Variants in FAT3 observed in about 807,000 individuals in gnomAD.
FAT3 encodes FAT atypical cadherin 3.
Under a neutral mutation model 310.2 loss-of-function variants are expected in FAT3, and 95 were observed. The observed-to-expected ratio is 0.31, with a 90% CI of 0.26 to 0.36. FAT3 has a LOEUF of 0.36. Ranked by LOEUF, FAT3 falls within the 10% of genes least tolerant of loss-of-function variation. The pLI, the probability that FAT3 is intolerant of heterozygous loss-of-function variation, is 1.00. For missense variants in FAT3, 5,408 were observed against 5,715.6 expected (o/e 0.95, Z 1.74); for synonymous variants, 2,314 against 2,192.9 (o/e 1.06, Z -1.54).
chr11:92,529,528 TG>T (rs1401305066), intron 3 of FAT3, among the ~76,000 whole-genome samples: 2 of 152,196 alleles, frequency 1.3e-5, no homozygotes, highest in African/African-American at 2.4e-5. Context: ...TAAAGGGCCT[TG>T]TTTTTTTTGT....
At chr11:92,415,110 G>T (rs1369916109) in intron 2 of FAT3, among the ~76,000 whole-genome samples, 3 of 152,174 alleles carry the variant, frequency 2.0e-5, no homozygotes, top group African/African-American at 7.2e-5. Flanking sequence ...CTTCTGAATT[G>T]AAAAATACCA....
chr11:92,639,781 A>G (rs1591551152), intron 3 of FAT3, among the ~76,000 whole-genome samples: 1 of 152,284 alleles, frequency 6.6e-6, no homozygotes, highest in East Asian at 1.9e-4. Flanking sequence ...TTTGAGAATC[A>G]CCACTTAGCA....
intron 4 of FAT3, among the ~76,000 whole-genome samples, chr11:92,721,833 G>A (rs1465770586): frequency 6.6e-6 from 1 of 152,184 alleles, no homozygotes; most frequent in African/African-American, 2.4e-5. Flanking sequence ...GACAAGAGAA[G>A]TGAGCTTGTG....
At chr11:92,624,724 T>C (rs1350466946) in intron 3 of FAT3, among the ~76,000 whole-genome samples, 1 of 152,168 alleles carries the variant, frequency 6.6e-6, no homozygotes. Flanking sequence ...TGGGGGTGTT[T>C]TAGTTTGCTG....
chr11:92,799,582 T>C lies in FAT3; in HGVS notation c.6569T>C (p.Phe2190Ser). Residue 2190 changes from phenylalanine (F) to serine (S), a missense_variant, in exon 10 of 28, where the codon TTT (phenylalanine) becomes TCT (serine). By Grantham distance (155) the Phe-to-Ser change is radical (BLOSUM62 -2). Around this residue, in one of 5 missense-constraint regions of FAT3, gnomAD observed 4,588 missense variants for 4,809.8 expected, o/e 0.95. Transcript: ENST00000525166. ...GCAATGCCTGTGTTTGATAAGCCCT[T>C]TTATACAGCATCTGTCAATGAAGAC... ...NKAMPVFDKP[F>S]YTASVNEDIR... 6.2e-7 allele frequency: 1 copy of C among 1,613,798 alleles called. No homozygotes were observed. The highest frequency in any genetic ancestry group is 8.5e-7 in the Non-Finnish European group (1 of 1,179,836).
rs556881625 is a variant in FAT3 at position 92,721,860 on chromosome 11, T to C, written c.3669+24415T>C. On this transcript the variant is annotated intron_variant, in intron 4 of 27. Coordinates refer to ENST00000525166, the MANE Select transcript of FAT3 (RefSeq NM_001367949.2). ...GAGCTTGTGCAGGGAAACTCCTCTT[T>C]TTAAAACAATCAGATCCCATGAAAC... is the stretch of plus-strand genomic sequence containing the variant. Among the ~76,000 whole-genome samples the C allele has an allele frequency of 1.6e-4, 24 of 152,188 alleles. 1 individual carries two copies. The highest frequency in any genetic ancestry group is 3.1e-4 in the Non-Finnish European group (21 of 67,980).
intron 1 of FAT3, among the ~76,000 whole-genome samples, chr11:92,296,090 C>T (rs1039134405): frequency 6.6e-6 from 1 of 152,074 alleles, no homozygotes; most frequent in African/African-American, 2.4e-5. Flanking sequence ...TGGGCAAACT[C>T]AAGGTATACA....
At chr11:92,423,717 C>A (rs909246683) in intron 2 of FAT3, among the ~76,000 whole-genome samples, 2 of 152,114 alleles carry the variant, frequency 1.3e-5, no homozygotes, top group African/African-American at 2.4e-5. Flanking sequence ...AAAGAATTGG[C>A]TCACATGATT....
chr11:92,716,054 G>A (rs936530136), intron 4 of FAT3, among the ~76,000 whole-genome samples: 16 of 152,202 alleles, frequency 1.1e-4, no homozygotes, highest in Non-Finnish European at 2.4e-4. Context: ...CAGTTTATCT[G>A]GGAAAAGAGG....
intron 10 of FAT3, among the ~76,000 whole-genome samples, chr11:92,802,739 A>G (rs1947396141): frequency 6.6e-6 from 1 of 152,218 alleles, no homozygotes; most frequent in Non-Finnish European, 1.5e-5. Context: ...AAGTGCCAAA[A>G]GATTGTAAAG....
intron 3 of FAT3, among the ~76,000 whole-genome samples, chr11:92,566,128 T>G (rs2135486686): frequency 6.6e-6 from 1 of 152,300 alleles, no homozygotes; most frequent in Non-Finnish European, 1.5e-5. Context: ...ATTGTGTATC[T>G]AGAAAACCCC....
At position 92,730,961 on chromosome 11, in the gene FAT3, C is replaced by G. The variant is rs142737189; in HGVS notation, c.3670-30895C>G. 3.2e-4 allele frequency among the ~76,000 whole-genome samples: 48 copies of G among 152,184 alleles called. No individual in the cohort carries two copies. The East Asian group carries it at 9.1e-3, about 29-fold the overall frequency. ...AGCAGGTTCTTTCCATGATAGCTGA[C>G]CCTTCATTATGAAATCGGGGGCTAA... On this transcript the variant is annotated intron_variant, in intron 4 of 27. Transcript: ENST00000525166.
intron 3 of FAT3, among the ~76,000 whole-genome samples, chr11:92,534,413 A>G (rs1415596191): frequency 1.3e-5 from 2 of 152,206 alleles, no homozygotes; most frequent in African/African-American, 4.8e-5. Flanking sequence ...TGAATTTGAA[A>G]AACATGAGCA....
At chr11:92,347,029 T>C (rs1449613999) in intron 1 of FAT3, among the ~76,000 whole-genome samples, 2 of 152,232 alleles carry the variant, frequency 1.3e-5, no homozygotes, top group African/African-American at 4.8e-5. Context: ...TTCCATTTAT[T>C]AACTCAAATC....
At chr11:92,284,827 G>T (rs1946518751) in intron 1 of FAT3, among the ~76,000 whole-genome samples, 2 of 152,200 alleles carry the variant, frequency 1.3e-5, no homozygotes, top group South Asian at 4.1e-4. Context: ...TTGTTTCCCA[G>T]AGCCAAGTAC....
intron 3 of FAT3, among the ~76,000 whole-genome samples, chr11:92,580,683 G>A (rs138927277): frequency 0.011 from 1,645 of 152,080 alleles, 17 homozygotes; most frequent in Non-Finnish European, 0.016. Flanking sequence ...AGTTGGCATC[G>A]CCTCCTGCCT....
chr11:92,329,286 C>T (rs1947845603), intron 1 of FAT3, among the ~76,000 whole-genome samples: 1 of 151,952 alleles, frequency 6.6e-6, no homozygotes, highest in Non-Finnish European at 1.5e-5. Flanking sequence ...GATTAATGCC[C>T]TCCCTCCGAG....
chr11:92,637,673 ACTGTGTG>A (rs1941816549), intron 3 of FAT3, among the ~76,000 whole-genome samples: 2 of 152,182 alleles, frequency 1.3e-5, no homozygotes, highest in Non-Finnish European at 2.9e-5. Flanking sequence ...TAACTTCATG[ACTGTGTG>A]CCTCTGTGTG....
Position 92,792,806 on chromosome 11 carries a change from C to A in FAT3, c.4651C>A (p.Arg1551=). The A allele has an allele frequency of 1.2e-6, 2 of 1,613,738 alleles. No homozygotes were observed. The highest frequency in any genetic ancestry group is 1.7e-6 in the Non-Finnish European group (2 of 1,179,754). The stretch of plus-strand genomic sequence containing the variant: ...GTTTCCTTATCGAAGAAACTTGGCC[C>A]GAGTCATTGTGAATGTGGAGGATGC... ...QEFPYRRNLA[R]VIVNVEDAND... The change falls in exon 9 of 28, where the codon CGA becomes AGA. Residue 1551 remains arginine (R), a synonymous_variant. Coordinates refer to ENST00000525166, the MANE Select transcript of FAT3 (RefSeq NM_001367949.2).
Sources: allele counts gnomAD v4.1 joint callset (sites outside exome capture counted in the v4.1 genomes callset), GRCh38; gene constraint gnomAD v4.1.1; regional missense constraint gnomAD v4.1.1; transcripts MANE v1.5; gene names NCBI Gene and HGNC (gene_info 2026-07-23, HGNC 2026-07-21).